The following SEMA6D variants were observed in gnomAD, a reference collection of about 807,000 sequenced individuals.
SEMA6D encodes the protein semaphorin 6D.
In SEMA6D, 35 loss-of-function variants were observed where a neutral mutation model predicts 106.6. The observed-to-expected ratio is 0.33, with a 90% CI of 0.25 to 0.44. SEMA6D has a LOEUF of 0.44. SEMA6D is among the 20% of genes least tolerant of loss of function. The pLI, the probability that SEMA6D is intolerant of heterozygous loss-of-function variation, is 1.00. For synonymous variants in SEMA6D, 499 were observed against 487.7 expected (o/e 1.02, Z -0.31); for missense variants, 1,185 against 1,345.9 (o/e 0.88, Z 1.87).
intron 18 of SEMA6D, 79 bp downstream of exon 18, chr15:47,768,827 C>A: frequency 7.2e-7 from 1 of 1,383,272 alleles, no homozygotes; most frequent in Non-Finnish European, 9.8e-7. Context: ...TGTGGTTCTC[C>A]AGAGGTGGGC....
In SEMA6D at chr15:47,765,067, G is replaced by A; in HGVS notation, c.1427+11G>A. Reference sequence around the variant, plus strand: ...CTACAACCATGCAAAGTAGGTATATGTTACGAGAACGCCCTTCAGCACTGC... The same window carrying A: ...CTACAACCATGCAAAGTAGGTATATATTACGAGAACGCCCTTCAGCACTGC... On this transcript the variant is annotated intron_variant, in intron 13 of 18. Transcript: ENST00000536845. 1 of 1,613,334 alleles carries A rather than the reference G, an allele frequency of 6.2e-7. No individual in the cohort carries two copies. The highest frequency in any genetic ancestry group is 8.5e-7 in the Non-Finnish European group (1 of 1,179,534).
chr15:47,514,178 G>T (rs916808414), intron 3 of SEMA6D, among the ~76,000 whole-genome samples: 2 of 152,192 alleles, frequency 1.3e-5, no homozygotes, highest in Non-Finnish European at 2.9e-5. Context: ...ATTTGAGAAA[G>T]AATTCCCTTT....
intron 1 of SEMA6D, among the ~76,000 whole-genome samples, chr15:47,213,656 C>G (rs983482956): frequency 1.3e-5 from 2 of 152,132 alleles, no homozygotes; most frequent in Non-Finnish European, 2.9e-5. Context: ...ACTAGCCTTA[C>G]TTATTTTATT....
intron 1 of SEMA6D, among the ~76,000 whole-genome samples, chr15:47,245,019 G>T (rs2033124720): frequency 7.8e-6 from 1 of 128,624 alleles, no homozygotes; most frequent in African/African-American, 2.9e-5. Flanking sequence ...TGCTGCAAAG[G>T]ACATGATTTT....
At chr15:47,493,286 C>G (rs984935065) in intron 3 of SEMA6D, among the ~76,000 whole-genome samples, 1 of 152,176 alleles carries the variant, frequency 6.6e-6, no homozygotes, top group Non-Finnish European at 1.5e-5. Flanking sequence ...TGGAAACACA[C>G]CTCTGTGGAG....
intron 4 of SEMA6D, among the ~76,000 whole-genome samples, chr15:47,602,845 C>T (rs1369641): frequency 2.0e-5 from 3 of 151,934 alleles, no homozygotes; most frequent in African/African-American, 7.3e-5. Flanking sequence ...GAAACTCTTG[C>T]AATGGTTTGT....
chr15:47,607,226 G>A (rs1213435539), intron 4 of SEMA6D, among the ~76,000 whole-genome samples: 1 of 152,116 alleles, frequency 6.6e-6, no homozygotes, highest in Non-Finnish European at 1.5e-5. Context: ...TCCCCAGTCA[G>A]TCACCACATA....
chr15:47,493,281 A>G (rs2043529909), intron 3 of SEMA6D, among the ~76,000 whole-genome samples: 1 of 152,172 alleles, frequency 6.6e-6, no homozygotes, highest in Admixed American at 6.5e-5. Flanking sequence ...GCCCTTGGAA[A>G]CACACCTCTG....
chr15:47,475,131 C>T (rs1005928750), intron 3 of SEMA6D, among the ~76,000 whole-genome samples: 1 of 152,090 alleles, frequency 6.6e-6, no homozygotes, highest in African/African-American at 2.4e-5. Context: ...TGACAAGTGC[C>T]AAGCAATTAG....
chr15:47,610,968 G>C (rs532814679), intron 4 of SEMA6D, among the ~76,000 whole-genome samples: 12 of 152,302 alleles, frequency 7.9e-5, no homozygotes, highest in Non-Finnish European at 1.6e-4. Context: ...GATATGCTCA[G>C]AGCATATGTC....
intron 1 of SEMA6D, among the ~76,000 whole-genome samples, chr15:47,253,791 C>T (rs896551996): frequency 1.3e-5 from 2 of 152,190 alleles, no homozygotes; most frequent in South Asian, 4.1e-4. Context: ...TAATGTGATT[C>T]CTACAGCTTT....
chr15:47,485,887 C>T (rs1474341202), intron 3 of SEMA6D, among the ~76,000 whole-genome samples: 1 of 152,122 alleles, frequency 6.6e-6, no homozygotes, highest in Non-Finnish European at 1.5e-5. Flanking sequence ...AGATTGAGTC[C>T]ACAGAGCTAA....
intron 4 of SEMA6D, among the ~76,000 whole-genome samples, chr15:47,660,925 A>T (rs2077904829): frequency 1.3e-5 from 2 of 152,218 alleles, no homozygotes; most frequent in Admixed American, 1.3e-4. Flanking sequence ...GTTTTGGATA[A>T]AGAAACACAG....
At chr15:47,639,631 G>A (rs1337935968) in intron 4 of SEMA6D, among the ~76,000 whole-genome samples, 5 of 152,138 alleles carry the variant, frequency 3.3e-5, no homozygotes, top group South Asian at 2.1e-4. Context: ...CCTCAAGCAC[G>A]TGATCTAGGC....
At chr15:47,653,334 A>G (rs1458676210) in intron 4 of SEMA6D, among the ~76,000 whole-genome samples, 1 of 152,236 alleles carries the variant, frequency 6.6e-6, no homozygotes, top group African/African-American at 2.4e-5. Flanking sequence ...GAAATAATAG[A>G]GACTCTTCAA....
At chr15:47,552,869 T>A (rs1229237829) in intron 3 of SEMA6D, among the ~76,000 whole-genome samples, 16 of 51,068 alleles carry the variant, frequency 3.1e-4, no homozygotes, top group Admixed American at 6.7e-4. Context: ...TATATATTTT[T>A]ATATATATAT....
intron 3 of SEMA6D, among the ~76,000 whole-genome samples, chr15:47,549,912 C>T (rs2045631426): frequency 2.0e-5 from 3 of 152,162 alleles, no homozygotes; most frequent in African/African-American, 7.2e-5. Flanking sequence ...TAAAGTTGCA[C>T]AGGCAATAGT....
At chr15:47,717,373 C>T (rs921212001), upstream of SEMA6D, 5 of 151,954 alleles carry the variant, frequency 3.3e-5, no homozygotes, top group Admixed American at 1.3e-4. Flanking sequence ...CGTCCGTGCC[C>T]GGGGGTGGGA....
At chr15:47,741,956 G>A (rs1401586888) in intron 1 of SEMA6D, among the ~76,000 whole-genome samples, 1 of 152,156 alleles carries the variant, frequency 6.6e-6, no homozygotes, top group Non-Finnish European at 1.5e-5. Context: ...GAGGAGAGCA[G>A]AGAGAGGGAT....
Sources: gnomAD v4.1 joint callset for allele counts (sites outside exome capture counted in the v4.1 genomes callset) on GRCh38, gnomAD v4.1.1 for gene constraint, MANE v1.5 for transcripts, NCBI Gene and HGNC (gene_info 2026-07-23, HGNC 2026-07-21) for gene names.